The following SLC25A28 variants were observed in gnomAD, a reference collection of about 807,000 sequenced individuals.
SLC25A28 encodes the protein solute carrier family 25 member 28, also known as mitoferrin-2.
Under a neutral mutation model 31.9 loss-of-function variants are expected in SLC25A28, and 10 were observed. The ratio of observed to expected loss-of-function variants is 0.31; its 90% confidence interval spans 0.19 to 0.53. SLC25A28 has a LOEUF of 0.53. Ranked by LOEUF, SLC25A28 falls within the 20% of genes least tolerant of loss-of-function variation. The pLI is 0.95. For synonymous variants in SLC25A28, 208 were observed against 203.6 expected (o/e 1.02, Z -0.19); for missense variants, 256 against 490.3 (o/e 0.52, Z 4.51).
chr10:99,622,003 C>A (rs1436481325), upstream of SLC25A28: 1 of 152,108 alleles, frequency 6.6e-6, no homozygotes, highest in Non-Finnish European at 1.5e-5. Context: ...CATGTGGACA[C>A]CCTAGGGGTC....
At chr10:99,652,337 T>C in the SLC25A28 span, 1 of 152,362 alleles carries the variant, frequency 6.6e-6, no homozygotes, top group African/African-American at 2.4e-5. Context: ...AGGTGAAAGG[T>C]AGGGGTCCTG....
chr10:99,640,165 C>T, the SLC25A28 span, among the ~76,000 whole-genome samples: 2 of 152,134 alleles, frequency 1.3e-5, no homozygotes, highest in Non-Finnish European at 2.9e-5. Context: ...TATCCATCAC[C>T]GCATAACAAA....
At chr10:99,628,677 C>T in the SLC25A28 span, among the ~76,000 whole-genome samples, 4 of 152,086 alleles carry the variant, frequency 2.6e-5, no homozygotes, top group Admixed American at 2.0e-4. Flanking sequence ...ATTAATTAGC[C>T]GGGTGTGGTG....
the SLC25A28 span, among the ~76,000 whole-genome samples, chr10:99,648,311 A>G: frequency 6.6e-6 from 1 of 152,214 alleles, no homozygotes; most frequent in Non-Finnish European, 1.5e-5. Context: ...CCATTGATGT[A>G]TGTGTATATA....
chr10:99,629,956 T>G, the SLC25A28 span, among the ~76,000 whole-genome samples: 1 of 152,092 alleles, frequency 6.6e-6, no homozygotes, highest in East Asian at 1.9e-4. Context: ...GGTGGATCGC[T>G]TGAGCCTAGG....
chr10:99,627,977 C>G, the SLC25A28 span, among the ~76,000 whole-genome samples: 2 of 152,128 alleles, frequency 1.3e-5, no homozygotes, highest in Admixed American at 1.3e-4. Context: ...TAAGTGAGAA[C>G]AGAGCAGTGA....
Position 99,613,278 on chromosome 10 carries a change from GT to G in SLC25A28, c.520+417del. ...TCTGGTGAGTTGGGATCCTGAAAAG[GT>G]GAGGCAAAAAGCAGGGGCTTCATTA... On this transcript the variant is annotated intron_variant, in intron 2 of 3. Coordinates refer to ENST00000370495, the MANE Select transcript of SLC25A28 (RefSeq NM_031212.4). The surrounding 1 kb of genome is among the most constrained non-coding windows in gnomAD (Gnocchi z 4.9). 1.6e-6 allele frequency: 1 copy of G among 607,276 alleles called. No homozygotes were observed. Among genetic ancestry groups the G allele is most frequent in the Non-Finnish European group, 2.1e-6 (1 of 484,740 alleles). The allele number at this position is 607,276 out of a possible 1,614,324, so 37.6% of individuals were successfully genotyped here. A position where few individuals can be genotyped will look rare whatever the true frequency, so the allele number is the denominator to read the frequency against.
the SLC25A28 span, among the ~76,000 whole-genome samples, chr10:99,632,735 G>A: frequency 6.6e-6 from 1 of 152,114 alleles, no homozygotes; most frequent in East Asian, 1.9e-4. Flanking sequence ...ACTTTTGCTT[G>A]TTTAGACAAT....
At chr10:99,614,574 T>C (rs1458304024) in intron 1 of SLC25A28, among the ~76,000 whole-genome samples, 1 of 152,196 alleles carries the variant, frequency 6.6e-6, no homozygotes, top group Non-Finnish European at 1.5e-5. Context: ...AGATTTCTAA[T>C]TTAAACTGAT....
upstream of SLC25A28, chr10:99,620,691 T>C (rs1461909498): frequency 5.1e-6 from 5 of 986,176 alleles, no homozygotes; most frequent in African/African-American, 8.7e-5. Flanking sequence ...CTCTGACTTT[T>C]AGAAGGGCGG....
At chr10:99,628,265 ACTC>A in the SLC25A28 span, among the ~76,000 whole-genome samples, 1 of 151,984 alleles carries the variant, frequency 6.6e-6, no homozygotes, top group Admixed American at 6.5e-5. Flanking sequence ...GCTGAGTAAT[ACTC>A]CTCATTTACT....
At chr10:99,615,735 T>G (rs1344361802) in intron 1 of SLC25A28, 32 of 985,174 alleles carry the variant, frequency 3.2e-5, no homozygotes, top group Non-Finnish European at 3.5e-5. Context: ...ACGGGTCATA[T>G]GCTGGCTAGA....
chr10:99,622,128 G>A (rs1464485625), upstream of SLC25A28, among the ~76,000 whole-genome samples: 1 of 152,100 alleles, frequency 6.6e-6, no homozygotes, highest in Non-Finnish European at 1.5e-5. Context: ...GACCAGCCTG[G>A]ACAACATGGC....
chr10:99,648,139 C>A, the SLC25A28 span, among the ~76,000 whole-genome samples: 1 of 149,380 alleles, frequency 6.7e-6, no homozygotes, highest in African/African-American at 2.5e-5. Flanking sequence ...GCTGGGATTA[C>A]AGGTGTGCAC....
chr10:99,646,986 A>C, the SLC25A28 span, among the ~76,000 whole-genome samples: 1 of 152,212 alleles, frequency 6.6e-6, no homozygotes, highest in Non-Finnish European at 1.5e-5. Context: ...TGTTGCTGGG[A>C]AAGATATGAT....
upstream of SLC25A28, chr10:99,620,716 T>C: frequency 3.0e-6 from 3 of 985,708 alleles, no homozygotes; most frequent in South Asian, 9.4e-5. Flanking sequence ...AACTTAAGGC[T>C]GAACTTTGAT....
the SLC25A28 span, among the ~76,000 whole-genome samples, chr10:99,631,523 C>G: frequency 1.3e-5 from 2 of 152,160 alleles, no homozygotes; most frequent in Non-Finnish European, 2.9e-5. Context: ...AGTGTAAACT[C>G]TTAAATACAC....
chr10:99,612,413 G>A, intron 3 of SLC25A28, 130 bp downstream of exon 3: 1 of 1,012,578 alleles, frequency 9.9e-7, no homozygotes, highest in Admixed American at 2.2e-5. Context: ...CCAAAAACAT[G>A]GAGGGAGCAC....
chr10:99,613,436 C>T lies in SLC25A28; in HGVS notation c.520+260G>A. ...ATTACCAGGGCATTAGAAGTTGATG[C>T]CAGGGAGATGAGAGGAACAAGTCAA... On this transcript the variant is annotated intron_variant, in intron 2 of 3. Coordinates refer to ENST00000370495, the MANE Select transcript of SLC25A28 (RefSeq NM_031212.4). The surrounding 1 kb of genome is among the most constrained non-coding windows in gnomAD (Gnocchi z 4.9). 19 of 1,358,512 alleles carry T rather than the reference C, an allele frequency of 1.4e-5. No individual in the cohort carries two copies. The highest frequency in any genetic ancestry group is 1.8e-5 in the Non-Finnish European group (19 of 1,052,470). The allele number at this position is 1,358,512 out of a possible 1,614,324, so 84.2% of individuals were successfully genotyped here.
Sources: gnomAD v4.1 joint callset for allele counts (sites outside exome capture counted in the v4.1 genomes callset) on GRCh38, gnomAD v4.1.1 for gene constraint, Gnocchi (gnomAD v3.1) non-coding constraint, MANE v1.5 for transcripts, NCBI Gene and HGNC (gene_info 2026-07-23, HGNC 2026-07-21) for gene names.